RAB3GAP1: variants seen among roughly 807,000 people sequenced by gnomAD.
The protein encoded by RAB3GAP1 is RAB3 GTPase activating protein catalytic subunit 1, also known as rab3 GTPase-activating protein catalytic subunit.
A neutral mutation model predicts 130.7 loss-of-function variants in RAB3GAP1; 86 were observed. The observed-to-expected ratio is 0.66, with a 90% CI of 0.55 to 0.79. The LOEUF is 0.79. Ranked by LOEUF, RAB3GAP1 falls within the 30% of genes least tolerant of loss-of-function variation. RAB3GAP1 has a pLI of 0.00. For synonymous variants in RAB3GAP1, 367 were observed against 401.7 expected (o/e 0.91, Z 1.03); for missense variants, 1,029 against 1,169.4 (o/e 0.88, Z 1.75).
Position 135,169,059 on chromosome 2 carries a change from C to T in RAB3GAP1, c.*278C>T. ...GGTGGGGGGACACAAACACATCAGA[C>T]ACTCCGTCCTCACACTGGCAGGACG... is the stretch of plus-strand genomic sequence containing the variant. On this transcript the variant is annotated 3_prime_UTR_variant, in exon 24 of 24. Coordinates refer to ENST00000264158, the MANE Select transcript of RAB3GAP1 (RefSeq NM_012233.3). 1 of 501,802 alleles carries T rather than the reference C, an allele frequency of 2.0e-6. No individual in the cohort carries two copies. The highest frequency in any genetic ancestry group is 3.6e-6 in the Non-Finnish European group (1 of 274,408). 31.1% of individuals were successfully genotyped at this position (501,802 alleles called of 1,614,324 possible). A position where few individuals can be genotyped will look rare whatever the true frequency, so the allele number is the denominator to read the frequency against.
At chr2:135,157,899 A>G (rs1416124267) in intron 19 of RAB3GAP1, among the ~76,000 whole-genome samples, 3 of 151,886 alleles carry the variant, frequency 2.0e-5, no homozygotes, top group Non-Finnish European at 4.4e-5. Context: ...TTTTGTAATG[A>G]TACGGGTACA....
chr2:135,128,370 A>G (rs1419221910), intron 11 of RAB3GAP1, among the ~76,000 whole-genome samples: 2 of 152,206 alleles, frequency 1.3e-5, no homozygotes, highest in Non-Finnish European at 2.9e-5. Context: ...TAACACTAGT[A>G]CTTACTTCAT....
Position 135,169,759 on chromosome 2 carries a change from G to GC in RAB3GAP1, c.*985dup, listed in dbSNP as rs370069043. On this transcript the variant is annotated 3_prime_UTR_variant, in exon 24 of 24. Transcript: ENST00000264158. ...TTAAAATAATCGATGGGGATGTGTA[G>GC]CCCCCCCGTGTGAGGATGACATCAC... 6.0e-4 allele frequency: 274 copies of GC among 455,832 alleles called. 1 individual carries two copies. Among genetic ancestry groups the GC allele is most frequent in the African/African-American group, 3.5e-3 (175 of 50,086 alleles). 28.2% of individuals were successfully genotyped at this position (455,832 alleles called of 1,614,324 possible).
At chr2:135,084,829 T>A (rs1294747958) in intron 3 of RAB3GAP1, among the ~76,000 whole-genome samples, 2 of 152,208 alleles carry the variant, frequency 1.3e-5, no homozygotes, top group African/African-American at 4.8e-5. Flanking sequence ...AATAGACATG[T>A]AAATAAATAA....
Position 135,164,466 on chromosome 2 carries a change from T to A in RAB3GAP1, c.2607-128T>A, listed in dbSNP as rs1042280982. ...ATCTTATCTTGCTGTAAAATTTCAC[T>A]CCAACCTTGTTGGGTTTAGCCAGTA... On this transcript the variant is annotated intron_variant, in intron 22 of 23. Transcript: ENST00000264158. The A allele has an allele frequency of 3.6e-5, 26 of 719,388 alleles. No homozygotes were observed. In the African/African-American group the frequency reaches 4.0e-4, roughly 11 times the overall value. The allele number at this position is 719,388 out of a possible 1,614,324, so 44.6% of individuals were successfully genotyped here. A position where few individuals can be genotyped will look rare whatever the true frequency, so the allele number is the denominator to read the frequency against.
chr2:135,117,784 C>T (rs531298857), intron 7 of RAB3GAP1, among the ~76,000 whole-genome samples: 58 of 150,060 alleles, frequency 3.9e-4, no homozygotes, highest in African/African-American at 1.2e-3. Flanking sequence ...TCTGCTTCTT[C>T]TGCTTCTTCT....
intron 3 of RAB3GAP1, among the ~76,000 whole-genome samples, chr2:135,075,343 C>T (rs1469113132): frequency 1.3e-5 from 2 of 152,164 alleles, no homozygotes; most frequent in African/African-American, 4.8e-5. Context: ...CTCATCACTT[C>T]TCCATTCATC....
At chr2:135,130,475 T>C in intron 12 of RAB3GAP1, 77 bp from the exon 13 acceptor site, 1 of 1,207,824 alleles carries the variant, frequency 8.3e-7, no homozygotes, top group East Asian at 2.4e-5. Flanking sequence ...ATATTCTATA[T>C]AATCATCAAT....
chr2:135,095,546 A>C (rs1038780487), intron 5 of RAB3GAP1, among the ~76,000 whole-genome samples: 1 of 152,216 alleles, frequency 6.6e-6, no homozygotes, highest in South Asian at 2.1e-4. Flanking sequence ...GTTATGTGAT[A>C]AAATCAAAAC....
chr2:135,058,988 T>TA (rs1689095252), intron 3 of RAB3GAP1: 2 of 152,016 alleles, frequency 1.3e-5, no homozygotes, highest in African/African-American at 2.4e-5. Context: ...GTGATGGTGA[T>TA]ACTATCAAAA....
At chr2:135,052,786 G>T (rs973403528) in intron 2 of RAB3GAP1, among the ~76,000 whole-genome samples, 2 of 152,094 alleles carry the variant, frequency 1.3e-5, no homozygotes, top group African/African-American at 4.8e-5. Context: ...TTACCCACTC[G>T]CAAGAAAAAT....
chr2:135,081,360 ATACACACACGTGTGTGTGTG>A (rs1689812066), intron 3 of RAB3GAP1, among the ~76,000 whole-genome samples: 6 of 84,204 alleles, frequency 7.1e-5, no homozygotes, highest in South Asian at 6.1e-4. Flanking sequence ...ATATATATAT[ATACACACACGTGTGTGTGTG>A]TATATATATA....
intron 17 of RAB3GAP1, among the ~76,000 whole-genome samples, chr2:135,143,800 C>T (rs111957081): frequency 0.039 from 5,973 of 152,184 alleles, 407 homozygotes; most frequent in African/African-American, 0.14. Flanking sequence ...CCGCCCGCCT[C>T]GGCCTCCCAA....
intron 7 of RAB3GAP1, 89 bp from the exon 8 acceptor site, chr2:135,120,730 C>A: frequency 2.2e-6 from 2 of 921,564 alleles, no homozygotes; most frequent in Non-Finnish European, 3.6e-6. Flanking sequence ...TAGTATTAAT[C>A]CATTCCATAA....
intron 5 of RAB3GAP1, among the ~76,000 whole-genome samples, chr2:135,106,622 C>A (rs542450615): frequency 5.9e-4 from 89 of 152,036 alleles, no homozygotes; most frequent in African/African-American, 2.0e-3. Context: ...CTGCGGAAGG[C>A]CGCAGGGTCC....
chr2:135,070,010 T>C (rs1473542878), intron 3 of RAB3GAP1, among the ~76,000 whole-genome samples: 1 of 152,218 alleles, frequency 6.6e-6, no homozygotes, highest in Non-Finnish European at 1.5e-5. Context: ...CCACTTGCCA[T>C]GTGGGTTGTT....
At position 135,117,642 on chromosome 2, in the gene RAB3GAP1, T is replaced by TCTGCTTCTGCTTCTTCTTCTG. The variant is rs1558784578; in HGVS notation, c.648+2263_648+2264insGCTTCTGCTTCTTCTTCTGCT. On this transcript the variant is annotated intron_variant, in intron 7 of 23. Transcript: ENST00000264158. ...TTCTGCTTCTTCTGCTTCTGCTTCT[T>TCTGCTTCTGCTTCTTCTTCTG]CTTCTGCTTCTGCTTCTTCTGCTTC... Among the ~76,000 whole-genome samples, 239 of 145,550 alleles carry TCTGCTTCTGCTTCTTCTTCTG rather than the reference T, an allele frequency of 1.6e-3. 1 individual carries two copies. The highest frequency in any genetic ancestry group is 3.9e-3 in the South Asian group (18 of 4,614).
chr2:135,144,294 G>A (rs1327779475), intron 17 of RAB3GAP1, among the ~76,000 whole-genome samples: 4 of 152,052 alleles, frequency 2.6e-5, no homozygotes, highest in Non-Finnish European at 2.9e-5. Context: ...CAGCCAAAAG[G>A]GGCTGCGAGG....
At position 135,120,808 on chromosome 2, in the gene RAB3GAP1, G is replaced by A. The variant is rs767444337; in HGVS notation, c.649-11G>A. ...CATTTACACGGTATTGTCTTTGCAT[G>A]TATTTCCTAGGGATGTCCTTTAACT... On this transcript the variant is annotated splice_polypyrimidine_tract_variant and intron_variant, in intron 7 of 23. Coordinates refer to ENST00000264158, the MANE Select transcript of RAB3GAP1 (RefSeq NM_012233.3). 16 of 1,554,840 alleles carry A rather than the reference G, an allele frequency of 1.0e-5. No homozygotes were observed. In the Admixed American group the frequency reaches 2.3e-4, roughly 23 times the overall value.
Sources: gnomAD v4.1 joint callset for allele counts (sites outside exome capture counted in the v4.1 genomes callset) on GRCh38, gnomAD v4.1.1 for gene constraint, MANE v1.5 for transcripts, NCBI Gene and HGNC (gene_info 2026-07-23, HGNC 2026-07-21) for gene names.